Variants in CDK19 observed in about 807,000 individuals in gnomAD.
The protein encoded by CDK19 is cyclin dependent kinase 19.
Under a neutral mutation model 68.3 loss-of-function variants are expected in CDK19, and 20 were observed. That is an observed-to-expected ratio of 0.29 (90% CI 0.21 to 0.43). CDK19 has a LOEUF of 0.43. Ranked by LOEUF, CDK19 falls within the 20% of genes least tolerant of loss-of-function variation. CDK19 has a pLI of 1.00. For missense variants in CDK19, 339 were observed against 623.5 expected (o/e 0.54, Z 4.86); for synonymous variants, 221 against 222.8 (o/e 0.99, Z 0.07).
Position 110,765,382 on chromosome 6 carries a change from G to A in CDK19, c.129-19181C>T, listed in dbSNP as rs758181484. Among the ~76,000 whole-genome samples the A allele has an allele frequency of 8.2e-4, 120 of 147,110 alleles. 1 individual carries two copies. The highest frequency in any genetic ancestry group is 1.7e-3 in the South Asian group (8 of 4,576). On this transcript the variant is annotated intron_variant, in intron 1 of 12. Transcript: ENST00000368911. ...TGACAGAGTGAGAATCCATATCAAC[G>A]AAAAGAAGAGAACAGGTCAGACGCG...
At chr6:110,755,041 C>CT (rs34041330) in intron 1 of CDK19, among the ~76,000 whole-genome samples, 4,723 of 131,680 alleles carry the variant, frequency 0.036, 118 homozygotes, top group Middle Eastern at 0.085. Context: ...CTTGTGAATC[C>CT]TTTTTTTTTT....
chr6:110,814,885 C>A (rs1181218367), intron 1 of CDK19, 124 bp downstream of exon 1: 1 of 1,338,744 alleles, frequency 7.5e-7, no homozygotes, highest in Middle Eastern at 1.9e-4. Flanking sequence ...CCGGACGCAA[C>A]CCCGCGACCC....
At chr6:110,762,181 T>C (rs1321682967) in intron 1 of CDK19, among the ~76,000 whole-genome samples, 1 of 152,062 alleles carries the variant, frequency 6.6e-6, no homozygotes, top group African/African-American at 2.4e-5. Flanking sequence ...AAGACAAAAT[T>C]TGTTCTAGTG....
chr6:110,644,991 A>G (rs1205030151), intron 4 of CDK19, among the ~76,000 whole-genome samples: 1 of 152,238 alleles, frequency 6.6e-6, no homozygotes, highest in African/African-American at 2.4e-5. Flanking sequence ...CAAAATAAAT[A>G]TAACTTCAGG....
At chr6:110,628,349 T>C (rs1031249491) in intron 6 of CDK19, among the ~76,000 whole-genome samples, 4 of 152,248 alleles carry the variant, frequency 2.6e-5, no homozygotes, top group African/African-American at 9.6e-5. Context: ...ATCTAAGTTT[T>C]TGCCCTCCAG....
chr6:110,784,450 C>A (rs1295296621), intron 1 of CDK19, among the ~76,000 whole-genome samples: 1 of 152,080 alleles, frequency 6.6e-6, no homozygotes, highest in South Asian at 2.1e-4. Context: ...TTCACACCCA[C>A]AAGGATGACT....
chr6:110,759,959 T>C (rs779018795), intron 1 of CDK19, among the ~76,000 whole-genome samples: 9 of 152,138 alleles, frequency 5.9e-5, no homozygotes, highest in Non-Finnish European at 1.2e-4. Flanking sequence ...TGGGAACTTA[T>C]GGAGGGCAAC....
intron 4 of CDK19, among the ~76,000 whole-genome samples, chr6:110,656,073 T>C (rs1443621642): frequency 6.6e-6 from 1 of 152,212 alleles, no homozygotes; most frequent in African/African-American, 2.4e-5. Flanking sequence ...TCCTTTCCTA[T>C]TCAGCTCAGT....
Position 110,627,141 on chromosome 6 carries a change from T to C in CDK19, c.651A>G (p.Ile217Met). The change falls in exon 7 of 13, where the codon ATA becomes ATG. Residue 217 changes from isoleucine (I) to methionine (M), a missense_variant. Ile to Met is a conservative substitution (Grantham distance 10). Transcript: ENST00000368911. Reference protein sequence around the residue: ...GARHYTKAIDIWAIGCIFAEL... With the variant: ...GARHYTKAIDMWAIGCIFAEL... ...CAGCAAATATACAACCTATTGCCCA[T>C]ATATCTGGGAAGGAAGAAACATAAG... 6.2e-7 allele frequency: 1 copy of C among 1,604,570 alleles called. No homozygotes were observed. Among genetic ancestry groups the C allele is most frequent in the South Asian group, 1.1e-5 (1 of 89,636 alleles).
intron 8 of CDK19, among the ~76,000 whole-genome samples, chr6:110,623,737 A>T (rs1018838000): frequency 1.0e-4 from 15 of 146,806 alleles, no homozygotes; most frequent in Non-Finnish European, 4.5e-5. Flanking sequence ...AGTAATGGCC[A>T]ATATATATAT....
intron 4 of CDK19, chr6:110,643,291 C>T: frequency 1.2e-6 from 1 of 831,516 alleles, no homozygotes; most frequent in Non-Finnish European, 1.7e-6. Flanking sequence ...TAAAAGAGGT[C>T]CACCTAAAGG....
At chr6:110,764,471 T>C (rs977003133) in intron 1 of CDK19, among the ~76,000 whole-genome samples, 6 of 152,184 alleles carry the variant, frequency 3.9e-5, no homozygotes. Flanking sequence ...ACTCACATGT[T>C]CGTTGACAAA....
At chr6:110,619,854 C>T (rs1300452379) in intron 12 of CDK19, among the ~76,000 whole-genome samples, 1 of 151,946 alleles carries the variant, frequency 6.6e-6, no homozygotes, top group Non-Finnish European at 1.5e-5. Context: ...AACATGGCCC[C>T]GCCTTGAATA....
intron 4 of CDK19, chr6:110,643,217 TAC>T (rs1562151930): frequency 7.8e-7 from 1 of 1,286,300 alleles, no homozygotes; most frequent in East Asian, 5.6e-5. Flanking sequence ...AGTAAAACAA[TAC>T]ATTTTCCAGC....
chr6:110,698,738 A>C (rs961526603), intron 2 of CDK19, among the ~76,000 whole-genome samples: 1 of 152,198 alleles, frequency 6.6e-6, no homozygotes. Context: ...AACTGCAAAG[A>C]TATGGAACCA....
chr6:110,680,951 C>G (rs910758454), intron 2 of CDK19, among the ~76,000 whole-genome samples: 1 of 151,984 alleles, frequency 6.6e-6, no homozygotes, highest in East Asian at 1.9e-4. Context: ...GAGCAGAGAT[C>G]GTCCCACTGC....
chr6:110,673,442 A>G (rs1045527110), intron 2 of CDK19, among the ~76,000 whole-genome samples: 1 of 152,074 alleles, frequency 6.6e-6, no homozygotes, highest in Non-Finnish European at 1.5e-5. Context: ...CCCCACTTTC[A>G]ATTCCTTTGT....
chr6:110,655,031 C>T (rs149330042), intron 4 of CDK19, among the ~76,000 whole-genome samples: 42 of 151,970 alleles, frequency 2.8e-4, no homozygotes, highest in African/African-American at 7.7e-4. Flanking sequence ...TTCTGAATAA[C>T]GGTTTTTAAA....
chr6:110,710,924 A>G (rs1032071791), intron 2 of CDK19, among the ~76,000 whole-genome samples: 1 of 152,208 alleles, frequency 6.6e-6, no homozygotes, highest in Non-Finnish European at 1.5e-5. Context: ...TATTGCATGT[A>G]AAAAACAACA....
Sources: allele counts gnomAD v4.1 joint callset (sites outside exome capture counted in the v4.1 genomes callset), GRCh38; gene constraint gnomAD v4.1.1; transcripts MANE v1.5; gene names NCBI Gene and HGNC (gene_info 2026-07-23, HGNC 2026-07-21).